Variants in MRPL42 observed in about 807,000 individuals in gnomAD.
The protein encoded by MRPL42 is mitochondrial ribosomal protein L42.
In MRPL42, 17 loss-of-function variants were observed where a neutral mutation model predicts 17.9. The ratio of observed to expected loss-of-function variants is 0.95; its 90% confidence interval spans 0.65 to 1.42. MRPL42 has a LOEUF of 1.42. Ranked by LOEUF, MRPL42 falls within the 40% of genes most tolerant of loss-of-function variation. The pLI is 0.00. For missense variants in MRPL42, 177 were observed against 175.2 expected (o/e 1.01, Z -0.06); for synonymous variants, 59 against 54.4 (o/e 1.08, Z -0.37).
Position 93,469,763 on chromosome 12 carries a change from A to G in MRPL42, c.70+408A>G, listed in dbSNP as rs59630338. Among the ~76,000 whole-genome samples the G allele has an allele frequency of 1.6e-3, 237 of 152,324 alleles. 1 individual carries two copies. The highest frequency in any genetic ancestry group is 1.3e-3 in the Non-Finnish European group (86 of 68,026). ...AAAAAAGCATGTCAGAACCACATCT[A>G]TATATATCTATCATATGATCTTATT... On this transcript the variant is annotated intron_variant, in intron 2 of 5. Coordinates refer to ENST00000549982, the MANE Select transcript of MRPL42 (RefSeq NM_014050.4).
chr12:93,510,426 T>C lies in MRPL42; in HGVS notation c.*9205T>C, dbSNP rs532190044. On this transcript the variant is annotated 3_prime_UTR_variant, in exon 6 of 6. Coordinates refer to ENST00000549982, the MANE Select transcript of MRPL42 (RefSeq NM_014050.4). Reference sequence around the variant, plus strand: ...AGATATCCATGTGTAGGTTTTTGTGTCCATTTAAGCTTTCAACTCCTTTGG... The same window carrying C: ...AGATATCCATGTGTAGGTTTTTGTGCCCATTTAAGCTTTCAACTCCTTTGG... The C allele has an allele frequency of 6.6e-6, 1 of 152,340 alleles. No individual in the cohort carries two copies. The highest frequency in any genetic ancestry group is 1.5e-5 in the Non-Finnish European group (1 of 68,038). The allele number at this position is 152,340 out of a possible 1,614,324, so 9.4% of individuals were successfully genotyped here. A position where few individuals can be genotyped will look rare whatever the true frequency, so the allele number is the denominator to read the frequency against.
At position 93,487,671 on chromosome 12, in the gene MRPL42, T is replaced by A; in HGVS notation, c.383+11T>A. ...GTATCCTCATGGACGGTAAGTTTTC[T>A]TTTCTTTTCTTCAATCCCTACTACA... On this transcript the variant is annotated intron_variant, in intron 5 of 5. Transcript: ENST00000549982. The A allele has an allele frequency of 1.9e-6, 3 of 1,587,460 alleles. No individual in the cohort carries two copies. The highest frequency in any genetic ancestry group is 2.6e-6 in the Non-Finnish European group (3 of 1,165,228).
In MRPL42 at chr12:93,513,183, A is replaced by ATTTTTTTTTTTT. The variant is rs58784396; in HGVS notation, c.*11975_*11986dup. 1.1e-5 allele frequency: 1 copy of ATTTTTTTTTTTT among 89,144 alleles called. No individual in the cohort carries two copies. The highest frequency in any genetic ancestry group is 2.1e-5 in the Non-Finnish European group (1 of 48,506). 5.5% of individuals were successfully genotyped at this position (89,144 alleles called of 1,614,324 possible). A position where few individuals can be genotyped will look rare whatever the true frequency, so the allele number is the denominator to read the frequency against. ...AACCAGCTCATTTGTGACATTTAGA[A>ATTTTTTTTTTTT]TTTTTTTTTTTTTTTTTTTTTTTTG... On this transcript the variant is annotated 3_prime_UTR_variant, in exon 6 of 6. Transcript: ENST00000549982.
intron 5 of MRPL42, among the ~76,000 whole-genome samples, chr12:93,490,389 A>G (rs1369761670): frequency 1.3e-5 from 2 of 152,202 alleles, no homozygotes; most frequent in African/African-American, 2.4e-5. Context: ...TAATTAGATT[A>G]TCCCAATATA....
intron 5 of MRPL42, among the ~76,000 whole-genome samples, chr12:93,492,330 G>A (rs1490684227): frequency 1.3e-5 from 2 of 152,002 alleles, no homozygotes; most frequent in African/African-American, 2.4e-5. Context: ...GTATCAGCTG[G>A]TATCACACTG....
rs1262037463 is a variant in MRPL42, at chr12:93,513,859, T to G, written c.*12638T>G. On this transcript the variant is annotated 3_prime_UTR_variant, in exon 6 of 6. Coordinates refer to ENST00000549982, the MANE Select transcript of MRPL42 (RefSeq NM_014050.4). ...TCATCACAGATAGTTCAATGACTCCTGTTTTTTTTTAGACCGAGTCTTGCT... is the reference window on the plus strand; with the variant it reads ...TCATCACAGATAGTTCAATGACTCCGGTTTTTTTTTAGACCGAGTCTTGCT... 2 of 152,140 alleles carry G rather than the reference T, an allele frequency of 1.3e-5. No homozygotes were observed. Among genetic ancestry groups the G allele is most frequent in the East Asian group, 1.9e-4 (1 of 5,194 alleles). 9.4% of individuals were successfully genotyped at this position (152,140 alleles called of 1,614,324 possible).
At chr12:93,470,820 C>T (rs911738546) in intron 2 of MRPL42, among the ~76,000 whole-genome samples, 2 of 152,178 alleles carry the variant, frequency 1.3e-5, no homozygotes, top group Non-Finnish European at 2.9e-5. Context: ...TGTAATAATC[C>T]ATGGTATGCA....
At position 93,501,979 on chromosome 12, in the gene MRPL42, A is replaced by G. The variant is rs1592790287; in HGVS notation, c.*758A>G. 1.3e-5 allele frequency: 2 copies of G among 152,196 alleles called. No homozygotes were observed. The highest frequency in any genetic ancestry group is 3.8e-4 in the East Asian group (2 of 5,204). The allele number at this position is 152,196 out of a possible 1,614,324, so 9.4% of individuals were successfully genotyped here. A position where few individuals can be genotyped will look rare whatever the true frequency, so the allele number is the denominator to read the frequency against. On this transcript the variant is annotated 3_prime_UTR_variant, in exon 6 of 6. Transcript: ENST00000549982. ...AATAATCCTTTGAAAAGGGAGTATA[A>G]TTACATTTTACAGTGACTCGAACCT...
intron 5 of MRPL42, among the ~76,000 whole-genome samples, chr12:93,490,833 A>G (rs539453590): frequency 1.3e-5 from 2 of 152,362 alleles, no homozygotes; most frequent in East Asian, 3.9e-4. Context: ...CTGGGGGTAT[A>G]TAACTTCTTC....
At chr12:93,479,167 C>T (rs1880335449) in intron 3 of MRPL42, among the ~76,000 whole-genome samples, 1 of 151,462 alleles carries the variant, frequency 6.6e-6, no homozygotes, top group Admixed American at 6.6e-5. Flanking sequence ...AAGCAATCTG[C>T]CCACCTTGGC....
intron 2 of MRPL42, chr12:93,470,428 T>C (rs1207987831): frequency 8.1e-7 from 1 of 1,231,072 alleles, no homozygotes; most frequent in Admixed American, 2.8e-5. Context: ...CAACAGTAGG[T>C]TTGCCTTTTT....
At chr12:93,495,660 TG>T (rs1013387213) in intron 5 of MRPL42, among the ~76,000 whole-genome samples, 1 of 152,222 alleles carries the variant, frequency 6.6e-6, no homozygotes, top group African/African-American at 2.4e-5. Context: ...TCACCCACCT[TG>T]GGTGAGGCCA....
intron 2 of MRPL42, among the ~76,000 whole-genome samples, chr12:93,471,628 T>G (rs1221628525): frequency 4.6e-5 from 7 of 152,136 alleles, no homozygotes; most frequent in African/African-American, 7.2e-5. Context: ...TAGGAAGCTT[T>G]CCATCCCTGC....
At chr12:93,486,541 T>C (rs542287667) in intron 4 of MRPL42, among the ~76,000 whole-genome samples, 1 of 152,312 alleles carries the variant, frequency 6.6e-6, no homozygotes, top group East Asian at 1.9e-4. Context: ...TTTCACCATG[T>C]TGGCCAGGCT....
rs1953633229 is a variant in MRPL42 at position 93,503,938 on chromosome 12, G to C, written c.*2717G>C. 1 of 147,508 alleles carries C rather than the reference G, an allele frequency of 6.8e-6. No homozygotes were observed. The highest frequency in any genetic ancestry group is 1.5e-5 in the Non-Finnish European group (1 of 66,444). 9.1% of individuals were successfully genotyped at this position (147,508 alleles called of 1,614,324 possible). A position where few individuals can be genotyped will look rare whatever the true frequency, so the allele number is the denominator to read the frequency against. On this transcript the variant is annotated 3_prime_UTR_variant, in exon 6 of 6. Transcript: ENST00000549982. ...TCTGTTCCATCTTGTGAATAATGCT[G>C]TTATTAACATCCTGGTGGATTATTA...
intron 5 of MRPL42, chr12:93,487,894 T>C: frequency 5.3e-6 from 2 of 379,512 alleles, no homozygotes; most frequent in Non-Finnish European, 9.4e-6. Context: ...CCTCCAGTGC[T>C]CAAGTGATCT....
At chr12:93,485,160 C>T (rs1880681226) in intron 4 of MRPL42, among the ~76,000 whole-genome samples, 1 of 143,094 alleles carries the variant, frequency 7.0e-6, no homozygotes, top group African/African-American at 2.6e-5. Context: ...GCCCACATTG[C>T]CTTTTTTTTT....
rs747680915 is a variant in MRPL42 at position 93,512,937 on chromosome 12, T to C, written c.*11716T>C. ...ATGAATTTTGAAAATACCACACCAC[T>C]TGCTTCATTTTGGATAAAAGTTAAA... is the stretch of plus-strand genomic sequence containing the variant. On this transcript the variant is annotated 3_prime_UTR_variant, in exon 6 of 6. Transcript: ENST00000549982. The C allele has an allele frequency of 2.0e-5, 3 of 152,340 alleles. No homozygotes were observed. Among genetic ancestry groups the C allele is most frequent in the Non-Finnish European group, 4.4e-5 (3 of 68,030 alleles). The allele number at this position is 152,340 out of a possible 1,614,324, so 9.4% of individuals were successfully genotyped here.
chr12:93,501,051 A>C, intron 5 of MRPL42, 125 bp from the exon 6 acceptor site: 1 of 664,202 alleles, frequency 1.5e-6, no homozygotes, highest in Non-Finnish European at 2.4e-6. Flanking sequence ...GAAATGGCTG[A>C]TACGTAGTTT....
Sources: gnomAD v4.1 joint callset for allele counts (sites outside exome capture counted in the v4.1 genomes callset) on GRCh38, gnomAD v4.1.1 for gene constraint, MANE v1.5 for transcripts, NCBI Gene and HGNC (gene_info 2026-07-23, HGNC 2026-07-21) for gene names.